The following EYS variants were observed in gnomAD, a reference collection of about 807,000 sequenced individuals.
The protein encoded by EYS is EGF-like photoreceptor maintenance factor.
EYS carries 250 observed loss-of-function variants against 282.1 expected under a neutral mutation model. The observed-to-expected ratio is 0.89, with a 90% CI of 0.80 to 0.98. The LOEUF (loss-of-function observed/expected upper bound fraction) is 0.98, where lower values mean the gene tolerates loss of function less well. Ranked by LOEUF, EYS falls within the 50% of genes least tolerant of loss-of-function variation. The pLI, the probability that EYS is intolerant of heterozygous loss-of-function variation, is 0.00. For missense variants in EYS, 4,016 were observed against 3,709.0 expected (o/e 1.08, Z -2.15); for synonymous variants, 1,355 against 1,282.9 (o/e 1.06, Z -1.20).
chr6:64,337,670 T>A (rs1770905846), intron 29 of EYS, among the ~76,000 whole-genome samples: 2 of 151,676 alleles, frequency 1.3e-5, no homozygotes, highest in African/African-American at 4.8e-5. Context: ...GGAAAGGACA[T>A]AACCAAAAAA....
intron 26 of EYS, among the ~76,000 whole-genome samples, chr6:64,473,662 T>C (rs554660708): frequency 3.9e-5 from 6 of 152,308 alleles, no homozygotes; most frequent in Admixed American, 2.0e-4. Context: ...TACCTTTTGA[T>C]AGATGTTAGA....
At chr6:64,506,908 T>TAAAAAAAAAAAAAAAAAAAAA (rs530521158) in intron 26 of EYS, among the ~76,000 whole-genome samples, 1 of 97,820 alleles carries the variant, frequency 1.0e-5, no homozygotes, top group African/African-American at 4.8e-5. Context: ...GGCTGTGTCT[T>TAAAAAAAAAAAAAAAAAAAAA]AAAAAAAAAA....
intron 26 of EYS, among the ~76,000 whole-genome samples, chr6:64,490,556 G>A (rs1776706514): frequency 6.6e-6 from 1 of 150,772 alleles, no homozygotes; most frequent in Non-Finnish European, 1.5e-5. Flanking sequence ...TGTGGTATGT[G>A]TATCTCTCCA....
At chr6:63,797,111 A>G (rs192705554) in intron 37 of EYS, 1 of 152,348 alleles carries the variant, frequency 6.6e-6, no homozygotes, top group East Asian at 1.9e-4. Flanking sequence ...TCTTTTGATT[A>G]AATATTCTTA....
rs76924642 is a variant in EYS, at chr6:65,357,978, T to C, written c.1300-4361A>G. 6.6e-3 allele frequency among the ~76,000 whole-genome samples: 1,008 copies of C among 152,074 alleles called. 13 individuals carry two copies. Among genetic ancestry groups the C allele is most frequent in the African/African-American group, 0.019 (778 of 41,546 alleles). ...AGTTATTTTAATGTGACCTCTCTTT[T>C]AAAATGAAGTTAACTTTCAGTAGAA... On this transcript the variant is annotated intron_variant, in intron 8 of 42. Transcript: ENST00000503581.
rs577267710 is a variant in EYS at position 65,619,015 on chromosome 6, C to A, written c.-333+20763G>T. On this transcript the variant is annotated intron_variant, in intron 2 of 42. Transcript: ENST00000503581. Reference sequence around the variant, plus strand: ...GCCTCCAGCTTTTTTCTTTTGGCTTCAGATTGACTTGGCGATGCGGGCTCT... The same window carrying A: ...GCCTCCAGCTTTTTTCTTTTGGCTTAAGATTGACTTGGCGATGCGGGCTCT... 1.0e-3 allele frequency among the ~76,000 whole-genome samples: 159 copies of A among 152,144 alleles called. 3 individuals are homozygous for A. In the South Asian group the frequency reaches 0.031, roughly 29 times the overall value.
intron 14 of EYS, among the ~76,000 whole-genome samples, chr6:64,982,340 T>C (rs1770703777): frequency 6.6e-6 from 1 of 151,412 alleles, no homozygotes; most frequent in Non-Finnish European, 1.5e-5. Context: ...GAATCAATTA[T>C]AATAACTTAA....
intron 11 of EYS, among the ~76,000 whole-genome samples, chr6:65,298,234 G>T (rs770182339): frequency 6.6e-6 from 1 of 151,938 alleles, no homozygotes; most frequent in Non-Finnish European, 1.5e-5. Flanking sequence ...AAAATTAAGA[G>T]TAATATGGAA....
intron 2 of EYS, among the ~76,000 whole-genome samples, chr6:65,537,409 C>A (rs1294980842): frequency 6.6e-6 from 1 of 151,760 alleles, no homozygotes; most frequent in Non-Finnish European, 1.5e-5. Context: ...TAAATTAAAC[C>A]CTAAACATTA....
At chr6:64,888,899 T>A (rs1013260909) in intron 18 of EYS, among the ~76,000 whole-genome samples, 1 of 152,088 alleles carries the variant, frequency 6.6e-6, no homozygotes, top group Non-Finnish European at 1.5e-5. Flanking sequence ...GTGAAAGGTA[T>A]CTCAAGAAAT....
chr6:63,865,631 C>G (rs1266134541), intron 35 of EYS, among the ~76,000 whole-genome samples: 1 of 152,054 alleles, frequency 6.6e-6, no homozygotes, highest in African/African-American at 2.4e-5. Flanking sequence ...TATGACACAG[C>G]CTCCCAGTCT....
At chr6:65,546,236 C>G (rs543786477) in intron 2 of EYS, among the ~76,000 whole-genome samples, 2 of 150,090 alleles carry the variant, frequency 1.3e-5, no homozygotes, top group Admixed American at 1.3e-4. Context: ...GCCATATTGC[C>G]CAGGTTGTTG....
At chr6:65,404,678 T>C (rs767348509) in intron 6 of EYS, among the ~76,000 whole-genome samples, 2 of 151,930 alleles carry the variant, frequency 1.3e-5, no homozygotes, top group Non-Finnish European at 2.9e-5. Flanking sequence ...AGTTCAGCAA[T>C]TTTTTTGATA....
chr6:64,997,757 G>T, intron 13 of EYS, 54 bp from the exon 14 acceptor site: 1 of 1,490,178 alleles, frequency 6.7e-7, no homozygotes, highest in Non-Finnish European at 9.0e-7. Flanking sequence ...CTTAGTACAG[G>T]TAATTATAAT....
chr6:64,184,550 A>G (rs2150313285), intron 31 of EYS, among the ~76,000 whole-genome samples: 1 of 140,100 alleles, frequency 7.1e-6, no homozygotes, highest in East Asian at 2.3e-4. Context: ...AAAAGTCACC[A>G]TTATGCAAAA....
rs35484359 is a variant in EYS, at chr6:64,198,164, A to AT, written c.6424+32427dup. On this transcript the variant is annotated intron_variant, in intron 31 of 42. Coordinates refer to ENST00000503581, the MANE Select transcript of EYS (RefSeq NM_001142800.2). ...CCCGCCACCACGGCCGGCCCGGCTA[A>AT]TTTTTTTTTTTTTTTTGTATTTTTA... Among the ~76,000 whole-genome samples, 1,252 of 138,674 alleles carry AT rather than the reference A, an allele frequency of 9.0e-3. 12 individuals are homozygous for AT. The highest frequency in any genetic ancestry group is 0.027 in the South Asian group (118 of 4,378). The allele number at this position is 138,674 out of a possible 152,430, so 91.0% of individuals were successfully genotyped here. A position where few individuals can be genotyped will look rare whatever the true frequency, so the allele number is the denominator to read the frequency against.
intron 12 of EYS, among the ~76,000 whole-genome samples, chr6:65,254,549 T>G (rs1209944873): frequency 6.6e-6 from 1 of 151,834 alleles, no homozygotes; most frequent in East Asian, 1.9e-4. Flanking sequence ...GACACAGAAC[T>G]GCAAATGTTA....
intron 33 of EYS, among the ~76,000 whole-genome samples, chr6:64,035,976 G>A (rs147378047): frequency 1.3e-4 from 20 of 152,178 alleles, no homozygotes; most frequent in Non-Finnish European, 2.2e-4. Flanking sequence ...GCATTAGTTT[G>A]TGTTAGTACT....
At chr6:64,336,846 G>C (rs1254966414) in intron 29 of EYS, among the ~76,000 whole-genome samples, 1 of 151,982 alleles carries the variant, frequency 6.6e-6, no homozygotes, top group Non-Finnish European at 1.5e-5. Context: ...GCAAATACAT[G>C]GAAATTAAAT....
Sources: gnomAD v4.1 joint callset for allele counts (sites outside exome capture counted in the v4.1 genomes callset) on GRCh38, gnomAD v4.1.1 for gene constraint, MANE v1.5 for transcripts, NCBI Gene and HGNC (gene_info 2026-07-23, HGNC 2026-07-21) for gene names.